CDC5L: variants seen among roughly 807,000 people sequenced by gnomAD.
CDC5L encodes the protein cell division cycle 5-like protein.
CDC5L carries 18 observed loss-of-function variants against 104.1 expected under a neutral mutation model. The ratio of observed to expected loss-of-function variants is 0.17; its 90% CI spans 0.12 to 0.26. The LOEUF (loss-of-function observed/expected upper bound fraction) is 0.26, where lower values mean the gene tolerates loss of function less well. Ranked by LOEUF, CDC5L falls within the 10% of genes least tolerant of loss-of-function variation. CDC5L has a pLI of 1.00. For synonymous variants in CDC5L, 331 were observed against 322.7 expected, an observed-to-expected ratio of 1.03 and a Z score of -0.28; for missense variants, 673 against 956.9, an observed-to-expected ratio of 0.70 and a Z score of 3.91.
intron 11 of CDC5L, among the ~76,000 whole-genome samples, chr6:44,425,895 A>C (rs1293209): frequency 6.6e-6 from 1 of 151,976 alleles, no homozygotes; most frequent in African/African-American, 2.4e-5. Context: ...TCTAGTAGAC[A>C]TTGGAAGCTC....
In CDC5L at chr6:44,448,372, A is replaced by G. The variant is rs1196924686; in HGVS notation, c.*1661A>G. The G allele has an allele frequency of 6.6e-6, 1 of 152,198 alleles. No individual in the cohort carries two copies. Among genetic ancestry groups the G allele is most frequent in the Non-Finnish European group, 1.5e-5 (1 of 68,026 alleles). 9.4% of individuals were successfully genotyped at this position (152,198 alleles called of 1,614,324 possible). On this transcript the variant is annotated 3_prime_UTR_variant, in exon 16 of 16. Transcript: ENST00000371477. Reference sequence around the variant, plus strand: ...TCGATGAGAAGATCTAAGCAAAGGAATGACATGATCAGATTTGGTTTTAGA... The same window carrying G: ...TCGATGAGAAGATCTAAGCAAAGGAGTGACATGATCAGATTTGGTTTTAGA...
At chr6:44,415,970 G>C (rs1791888710) in intron 8 of CDC5L, among the ~76,000 whole-genome samples, 1 of 152,136 alleles carries the variant, frequency 6.6e-6, no homozygotes, top group Non-Finnish European at 1.5e-5. Flanking sequence ...GTAAAATTTT[G>C]ATAAATTTTG....
At chr6:44,399,192 ATCC>A (rs140933551) in intron 5 of CDC5L, among the ~76,000 whole-genome samples, 4 of 152,254 alleles carry the variant, frequency 2.6e-5, no homozygotes, top group Non-Finnish European at 5.9e-5. Context: ...ACCTCAAGCT[ATCC>A]TCCTTTCTTG....
rs540382319 is a variant in CDC5L, at chr6:44,415,601, G to A, written c.1093-3848G>A. ...TTGTGGCAGGTACAGTCGCTGCAGG[G>A]CCAGCCGTCATGTTTGCATATAGCC... On this transcript the variant is annotated intron_variant, in intron 8 of 15. Coordinates refer to ENST00000371477, the MANE Select transcript of CDC5L (RefSeq NM_001253.4). Among the ~76,000 whole-genome samples the A allele has an allele frequency of 2.6e-5, 4 of 152,148 alleles. No individual in the cohort carries two copies. The East Asian group carries it at 7.8e-4, about 29-fold the overall frequency.
intron 5 of CDC5L, among the ~76,000 whole-genome samples, chr6:44,396,772 A>G (rs539483278): frequency 6.2e-4 from 94 of 152,172 alleles, no homozygotes; most frequent in Non-Finnish European, 1.2e-3. Context: ...GGTTCCATTC[A>G]TCTGCTAGAG....
In CDC5L at chr6:44,390,336, G is replaced by A; in HGVS notation, c.114G>A (p.Leu38=). The A allele has an allele frequency of 6.2e-7, 1 of 1,612,714 alleles. No homozygotes were observed. Among genetic ancestry groups the A allele is most frequent in the Non-Finnish European group, 8.5e-7 (1 of 1,178,992 alleles). The change falls in exon 2 of 16, where the codon CTG becomes CTA. Residue 38 remains leucine, a synonymous_variant. Coordinates refer to ENST00000371477, the MANE Select transcript of CDC5L (RefSeq NM_001253.4). ...KNQWSRIASL[L]HRKSAKQCKA... is the part of the protein sequence containing the mutation. ...AGTGGTCTAGGATTGCCTCATTGCT[G>A]CATAGAAAATCAGCAAAGCAGTGCA...
intron 8 of CDC5L, among the ~76,000 whole-genome samples, chr6:44,417,026 A>G (rs1314911741): frequency 1.3e-5 from 2 of 152,120 alleles, no homozygotes. Context: ...GGTTATTTTC[A>G]TTTTGCCTCA....
intron 14 of CDC5L, among the ~76,000 whole-genome samples, chr6:44,435,065 G>A (rs768597096): frequency 6.0e-5 from 9 of 149,852 alleles, no homozygotes; most frequent in African/African-American, 9.8e-5. Flanking sequence ...ACATTGTGGT[G>A]TATATATGCA....
Position 44,448,743 on chromosome 6 carries a change from G to C in CDC5L, c.*2032G>C, listed in dbSNP as rs1437479870. The C allele has an allele frequency of 2.0e-5, 3 of 152,110 alleles. No homozygotes were observed. The highest frequency in any genetic ancestry group is 7.2e-5 in the African/African-American group (3 of 41,432). The allele number at this position is 152,110 out of a possible 1,614,324, so 9.4% of individuals were successfully genotyped here. A position where few individuals can be genotyped will look rare whatever the true frequency, so the allele number is the denominator to read the frequency against. ...TATTGCATGTTTTGTTATCTGAAATGTTTAGGACAATGTTAACAATAATGA... is the reference window on the plus strand; with the variant it reads ...TATTGCATGTTTTGTTATCTGAAATCTTTAGGACAATGTTAACAATAATGA... On this transcript the variant is annotated 3_prime_UTR_variant, in exon 16 of 16. Transcript: ENST00000371477.
In CDC5L at chr6:44,445,629, T is replaced by C. The variant is rs1340665188; in HGVS notation, c.2092-26T>C. On this transcript the variant is annotated intron_variant, in intron 14 of 15. Coordinates refer to ENST00000371477, the MANE Select transcript of CDC5L (RefSeq NM_001253.4). Reference sequence around the variant, plus strand: ...AATAGCCTGCTTTTCTCATGTATGCTGATGTGATCTTCCCCTGCTCTCCAG... The same window carrying C: ...AATAGCCTGCTTTTCTCATGTATGCCGATGTGATCTTCCCCTGCTCTCCAG... The C allele has an allele frequency of 7.1e-6, 11 of 1,551,574 alleles. No homozygotes were observed. The Admixed American group carries it at 1.9e-4, about 26-fold the overall frequency.
rs1793540068 is a variant in CDC5L, at chr6:44,448,664, C to G, written c.*1953C>G. The G allele has an allele frequency of 6.6e-6, 1 of 152,174 alleles. No individual in the cohort carries two copies. Among genetic ancestry groups the G allele is most frequent in the Non-Finnish European group, 1.5e-5 (1 of 68,022 alleles). 9.4% of individuals were successfully genotyped at this position (152,174 alleles called of 1,614,324 possible). A position where few individuals can be genotyped will look rare whatever the true frequency, so the allele number is the denominator to read the frequency against. On this transcript the variant is annotated 3_prime_UTR_variant, in exon 16 of 16. Coordinates refer to ENST00000371477, the MANE Select transcript of CDC5L (RefSeq NM_001253.4). ...GTTCTGGGTTTTCTAGGAAAAACTT[C>G]AGTATCATCAGTGAATAATGATAGT...
At chr6:44,393,369 G>T in intron 3 of CDC5L, 77 bp from the exon 4 acceptor site, 1 of 1,385,216 alleles carries the variant, frequency 7.2e-7, no homozygotes, top group Non-Finnish European at 9.8e-7. Context: ...GAAAAATATC[G>T]TCAGAACTTG....
chr6:44,432,223 A>G (rs530085382), intron 14 of CDC5L, among the ~76,000 whole-genome samples: 71 of 152,326 alleles, frequency 4.7e-4, no homozygotes, highest in African/African-American at 1.5e-3. Flanking sequence ...TTTTATTTCA[A>G]TTGTGGTAAT....
intron 14 of CDC5L, among the ~76,000 whole-genome samples, chr6:44,444,929 C>G (rs1157980765): frequency 2.0e-5 from 3 of 152,158 alleles, no homozygotes; most frequent in Non-Finnish European, 2.9e-5. Flanking sequence ...CCAGCTGCTG[C>G]TTAGGCTGCC....
At chr6:44,405,797 C>T (rs138899252) in intron 6 of CDC5L, among the ~76,000 whole-genome samples, 2 of 152,016 alleles carry the variant, frequency 1.3e-5, no homozygotes, top group East Asian at 3.9e-4. Context: ...ATTAGGGTAC[C>T]TTATTGATAA....
At chr6:44,390,515 C>A in intron 2 of CDC5L, 144 bp downstream of exon 2, 5 of 621,530 alleles carry the variant, frequency 8.0e-6, no homozygotes, top group Non-Finnish European at 1.1e-5. Context: ...GGGTGTTTGA[C>A]TTAGCTGTCA....
rs762310794 is a variant in CDC5L, at chr6:44,393,545, G to A, written c.411G>A (p.Ala137=). Reference sequence around the variant, plus strand: ...ATCCAAATCCAGAAACAAAACCAGCGCGGCCTGATCCAATTGATATGGATG... The same window carrying A: ...ATCCAAATCCAGAAACAAAACCAGCACGGCCTGATCCAATTGATATGGATG... ...EIDPNPETKP[A]RPDPIDMDED... is the part of the protein sequence containing the mutation. Residue 137 remains alanine (A), a synonymous_variant, in exon 4 of 16, where the codon GCG becomes GCA. Transcript: ENST00000371477. 3.0e-5 allele frequency: 49 copies of A among 1,613,786 alleles called. No homozygotes were observed. Among genetic ancestry groups the A allele is most frequent in the Admixed American group, 2.5e-4 (15 of 59,992 alleles).
At chr6:44,408,961 G>A (rs936318479) in intron 8 of CDC5L, among the ~76,000 whole-genome samples, 1 of 152,114 alleles carries the variant, frequency 6.6e-6, no homozygotes, top group African/African-American at 2.4e-5. Flanking sequence ...ATACTTCCTT[G>A]CATTTCTGTA....
intron 13 of CDC5L, among the ~76,000 whole-genome samples, chr6:44,428,009 A>G (rs1792503561): frequency 6.6e-6 from 1 of 152,310 alleles, no homozygotes; most frequent in South Asian, 2.1e-4. Flanking sequence ...CTCATATTTT[A>G]TCTGTGTATA....
Sources: gnomAD v4.1 joint callset for allele counts (sites outside exome capture counted in the v4.1 genomes callset) on GRCh38, gnomAD v4.1.1 for gene constraint, MANE v1.5 for transcripts, NCBI Gene and HGNC (gene_info 2026-07-23, HGNC 2026-07-21) for gene names.